The following TTC34 variants were observed in gnomAD, a reference collection of about 807,000 sequenced individuals.
TTC34 encodes tetratricopeptide repeat domain 34, also known as tetratricopeptide repeat protein 34.
In TTC34, 44 loss-of-function variants were observed where a neutral mutation model predicts 40.7. The observed-to-expected ratio is 1.08, with a 90% confidence interval of 0.85 to 1.39. The LOEUF is 1.39. Ranked by LOEUF, TTC34 falls within the 40% of genes most tolerant of loss-of-function variation. TTC34 has a pLI of 0.00. For missense variants in TTC34, 884 were observed against 838.0 expected (o/e 1.05, Z -0.68); for synonymous variants, 422 against 398.6 (o/e 1.06, Z -0.70).
intron 6 of TTC34, among the ~76,000 whole-genome samples, chr1:2,767,378 G>A (rs1641799273): frequency 1.5e-5 from 2 of 129,066 alleles, no homozygotes; most frequent in East Asian, 2.7e-4. Context: ...GTGAGCATCC[G>A]ACAGCCTGGA....
intron 6 of TTC34, among the ~76,000 whole-genome samples, chr1:2,754,351 TCTGACTGCATGTATCAGCACCCACA>T (rs1641428986): frequency 3.8e-5 from 1 of 26,458 alleles, no homozygotes. Flanking sequence ...CAGGCGAGCA[TCTGACTGCATGTATCAGCACCCACA>T]CCCCCAGGTG....
intron 6 of TTC34, among the ~76,000 whole-genome samples, chr1:2,680,479 C>T (rs1225988348): frequency 0.014 from 1,366 of 100,984 alleles, 1 homozygote; most frequent in Middle Eastern, 0.021. Context: ...GAGCATCCGG[C>T]AGCCTGCAGC....
intron 6 of TTC34, among the ~76,000 whole-genome samples, chr1:2,690,162 T>G (rs559231456): frequency 2.0e-5 from 3 of 149,604 alleles, no homozygotes; most frequent in Non-Finnish European, 3.0e-5. Context: ...TCTGACATCG[T>G]GGAGCAGCAC....
intron 6 of TTC34, among the ~76,000 whole-genome samples, chr1:2,652,692 G>T: frequency 6.6e-6 from 1 of 150,880 alleles, no homozygotes; most frequent in Non-Finnish European, 1.5e-5. Context: ...ACACCCACAG[G>T]TGAGCATCTG....
intron 6 of TTC34, among the ~76,000 whole-genome samples, chr1:2,752,776 C>G (rs1293942659): frequency 1.6e-5 from 2 of 127,486 alleles, no homozygotes; most frequent in Non-Finnish European, 3.3e-5. Flanking sequence ...ACCCATACGC[C>G]CAGATAAGCA....
chr1:2,767,712 A>G (rs1641814714), intron 6 of TTC34, among the ~76,000 whole-genome samples: 1 of 136,412 alleles, frequency 7.3e-6, no homozygotes, highest in African/African-American at 2.8e-5. Context: ...ACTACCTGGA[A>G]CAGAACCCCG....
intron 8 of TTC34, 137 bp from the exon 9 acceptor site, chr1:2,642,032 G>A (rs1032737895): frequency 2.0e-6 from 2 of 1,002,336 alleles, no homozygotes; most frequent in Non-Finnish European, 2.8e-6. Context: ...GGCTGCACAG[G>A]AGCTGCCCGC....
At chr1:2,771,323 T>C (rs1299066734) in intron 6 of TTC34, among the ~76,000 whole-genome samples, 11 of 41,472 alleles carry the variant, frequency 2.7e-4, no homozygotes, top group Admixed American at 4.8e-4. Context: ...CATCCTCACC[T>C]CCAGGTGAGC....
chr1:2,789,652 G>T, exon 3 of TTC34: 1 of 1,334,498 alleles, frequency 7.5e-7, no homozygotes, highest in Non-Finnish European at 9.6e-7. Flanking sequence ...AGGGCACGTA[G>T]GCCTTGGCGG....
At chr1:2,783,931 G>T (rs1643532883) in intron 5 of TTC34, among the ~76,000 whole-genome samples, 156 bp from the exon 6 acceptor site, 1 of 152,130 alleles carries the variant, frequency 6.6e-6, no homozygotes, top group African/African-American at 2.4e-5. Context: ...ACAGAGACAG[G>T]GTGGACTTGG....
chr1:2,777,701 G>A (rs922378171), intron 6 of TTC34, among the ~76,000 whole-genome samples: 1 of 149,848 alleles, frequency 6.7e-6, no homozygotes, highest in African/African-American at 2.5e-5. Context: ...GGGGGGGGGC[G>A]CAGCATCAGC....
exon 9 of TTC34, chr1:2,641,796 A>T (rs1281423370): frequency 6.5e-7 from 1 of 1,534,948 alleles, no homozygotes; most frequent in Admixed American, 2.0e-5. Flanking sequence ...CGCAGGTGAC[A>T]GGCACTGCTG....
intron 6 of TTC34, among the ~76,000 whole-genome samples, chr1:2,781,422 A>T (rs1643481595): frequency 6.6e-6 from 1 of 151,712 alleles, no homozygotes; most frequent in African/African-American, 2.4e-5. Flanking sequence ...AGTTCTAACA[A>T]TTTTTTTTTG....
At chr1:2,776,375 C>T (rs1398140445) in intron 6 of TTC34, 1 of 142,734 alleles carries the variant, frequency 7.0e-6, no homozygotes, top group Admixed American at 6.7e-5. Context: ...TTCAGGTGAG[C>T]ATCCGACAGC....
intron 6 of TTC34, among the ~76,000 whole-genome samples, chr1:2,767,806 C>G (rs1050280976): frequency 2.0e-5 from 3 of 147,568 alleles, no homozygotes; most frequent in African/African-American, 7.4e-5. Flanking sequence ...AGCACCCACA[C>G]TCCCAGGTGA....
rs1050903359 is a variant in TTC34, at chr1:2,787,702, C to T, written c.1633G>A (p.Ala545Thr). Residue 545 changes from alanine (A) to threonine (T), a missense_variant, in exon 4 of 9, where the codon GCC becomes ACC. Coordinates refer to ENST00000401095, the Ensembl canonical transcript of TTC34. ...GTGGCCAGCTGGTGCACGCCGCAGGCGACCCTGTGTGGAGATCAGCTCAGG... is the reference window on the plus strand; with the variant it reads ...GTGGCCAGCTGGTGCACGCCGCAGGTGACCCTGTGTGGAGATCAGCTCAGG... 70 of 1,542,130 alleles carry T rather than the reference C, an allele frequency of 4.5e-5. No homozygotes were observed. Among genetic ancestry groups the T allele is most frequent in the Middle Eastern group, 1.7e-4 (1 of 5,972 alleles).
intron 2 of TTC34, among the ~76,000 whole-genome samples, chr1:2,797,312 T>TGGGGGGGGGGGGGGGGGGGGGGG: frequency 6.9e-6 from 1 of 144,040 alleles, no homozygotes; most frequent in African/African-American, 3.0e-5. Context: ...GGATGGGGGC[T>TGGGGGGGGGGGGGGGGGGGGGGG]GGGGCACGAG....
intron 6 of TTC34, among the ~76,000 whole-genome samples, chr1:2,657,511 G>C (rs1639393737): frequency 1.0e-5 from 1 of 97,476 alleles, no homozygotes; most frequent in Non-Finnish European, 2.7e-5. Context: ...CCCCAGGCGA[G>C]CATCTGACAG....
exon 9 of TTC34, chr1:2,641,273 C>T (rs1638895597): frequency 7.2e-7 from 1 of 1,382,242 alleles, no homozygotes; most frequent in African/African-American, 1.5e-5. Context: ...AGGTACCTCC[C>T]CGATTTAGGG....
Sources: gnomAD v4.1 joint callset for allele counts (sites outside exome capture counted in the v4.1 genomes callset) on GRCh38, gnomAD v4.1.1 for gene constraint, MANE v1.5 for transcripts, NCBI Gene and HGNC (gene_info 2026-07-23, HGNC 2026-07-21) for gene names.